Variants in TANC2 observed in about 807,000 individuals in gnomAD.
The protein encoded by TANC2 is protein TANC2.
In TANC2, 26 loss-of-function variants were observed where a neutral mutation model predicts 210.5. The ratio of observed to expected loss-of-function variants is 0.12; its 90% confidence interval spans 0.09 to 0.17. The LOEUF is 0.17. Among genes scored for constraint, TANC2 ranks in the 10% least tolerant of loss-of-function variants. The pLI is 1.00. For missense variants in TANC2, 2,129 were observed against 2,608.9 expected, an observed-to-expected ratio of 0.82 and a Z score of 4.01; for synonymous variants, 931 against 967.1, an observed-to-expected ratio of 0.96 and a Z score of 0.69.
chr17:63,353,015 AGTT>A (rs2046664267), intron 13 of TANC2, among the ~76,000 whole-genome samples: 1 of 152,180 alleles, frequency 6.6e-6, no homozygotes, highest in African/African-American at 2.4e-5. Flanking sequence ...ACTGGATAGT[AGTT>A]GTTTTAGATA....
intron 4 of TANC2, among the ~76,000 whole-genome samples, chr17:63,122,816 T>G (rs1428169881): frequency 6.6e-6 from 1 of 152,202 alleles, no homozygotes; most frequent in Admixed American, 6.5e-5. Context: ...GCTTTAATAT[T>G]TTAAAGATGA....
chr17:63,048,914 G>T (rs1173368116), intron 2 of TANC2, among the ~76,000 whole-genome samples: 1 of 152,164 alleles, frequency 6.6e-6, no homozygotes, highest in East Asian at 1.9e-4. Context: ...AAGTTTACCT[G>T]TGTAGCAAAC....
intron 24 of TANC2, chr17:63,413,276 C>G: frequency 2.9e-6 from 1 of 342,736 alleles, no homozygotes; most frequent in Non-Finnish European, 5.2e-6. Flanking sequence ...CATTGCTTGC[C>G]CACATGCAGC....
rs574925486 is a variant in TANC2 at position 63,282,178 on chromosome 17, C to T, written c.1159+14305C>T. Among the ~76,000 whole-genome samples, 5 of 151,662 alleles carry T rather than the reference C, an allele frequency of 3.3e-5. No homozygotes were observed. The East Asian group carries it at 7.7e-4, about 23-fold the overall frequency. Reference sequence around the variant, plus strand: ...AGCAATAATGAACAAAGCCAGAATTCGTTATTTGAAAAAATAAAATTTATG... The same window carrying T: ...AGCAATAATGAACAAAGCCAGAATTTGTTATTTGAAAAAATAAAATTTATG... On this transcript the variant is annotated intron_variant, in intron 9 of 27. Coordinates refer to ENST00000689528, the Ensembl canonical transcript of TANC2.
At chr17:63,381,107 T>G (rs958524869) in intron 15 of TANC2, 5 of 152,254 alleles carry the variant, frequency 3.3e-5, no homozygotes, top group Non-Finnish European at 7.3e-5. Flanking sequence ...AAAATGAAGC[T>G]AATCCCTGCC....
At chr17:63,284,927 T>C (rs139023923) in intron 9 of TANC2, among the ~76,000 whole-genome samples, 95 of 152,256 alleles carry the variant, frequency 6.2e-4, no homozygotes, top group African/African-American at 2.2e-3. Flanking sequence ...AGCGTGTATT[T>C]AGGACTGTTA....
chr17:63,171,784 A>T (rs2040413705), intron 5 of TANC2, among the ~76,000 whole-genome samples: 1 of 152,230 alleles, frequency 6.6e-6, no homozygotes, highest in South Asian at 2.1e-4. Flanking sequence ...CATATTAAAG[A>T]CTTACTCTTC....
intron 4 of TANC2, among the ~76,000 whole-genome samples, chr17:63,109,087 A>G (rs1213037506): frequency 6.6e-6 from 1 of 151,634 alleles, no homozygotes; most frequent in Non-Finnish European, 1.5e-5. Context: ...AAATGTAGCC[A>G]AAGTGGTACT....
At chr17:63,241,287 A>G (rs1484958446) in intron 8 of TANC2, among the ~76,000 whole-genome samples, 2 of 152,192 alleles carry the variant, frequency 1.3e-5, no homozygotes, top group African/African-American at 4.8e-5. Context: ...CTCTTTAATA[A>G]TGGAATGTAT....
intron 14 of TANC2, among the ~76,000 whole-genome samples, chr17:63,370,223 G>A (rs970408461): frequency 1.4e-5 from 2 of 141,816 alleles, no homozygotes; most frequent in Non-Finnish European, 3.0e-5. Context: ...CTGTCACCCA[G>A]GCTGGAATGC....
intron 1 of TANC2, among the ~76,000 whole-genome samples, chr17:62,991,820 G>T (rs1292256482): frequency 6.6e-6 from 1 of 152,058 alleles, no homozygotes; most frequent in Admixed American, 6.6e-5. Flanking sequence ...GACCAGAGGA[G>T]ACTGACTAGG....
chr17:63,054,500 T>A (rs1459194526), intron 2 of TANC2, among the ~76,000 whole-genome samples: 2 of 151,956 alleles, frequency 1.3e-5, no homozygotes, highest in Non-Finnish European at 2.9e-5. Flanking sequence ...GCCTCCCGAG[T>A]AGCTGAGATT....
chr17:63,072,290 TAAG>T (rs1042259735), intron 2 of TANC2, among the ~76,000 whole-genome samples: 10 of 152,072 alleles, frequency 6.6e-5, no homozygotes, highest in African/African-American at 2.4e-4. Context: ...GATATACAGT[TAAG>T]AAGGATTGTA....
chr17:63,095,380 A>G (rs917963394), intron 3 of TANC2, among the ~76,000 whole-genome samples: 1 of 152,110 alleles, frequency 6.6e-6, no homozygotes, highest in African/African-American at 2.4e-5. Context: ...ATTGTTGCCC[A>G]CATCGATCTC....
intron 14 of TANC2, among the ~76,000 whole-genome samples, chr17:63,375,798 A>G (rs1470387516): frequency 6.6e-6 from 1 of 152,224 alleles, no homozygotes; most frequent in East Asian, 1.9e-4. Context: ...CTATTGAAAA[A>G]ACTAAAATAG....
At chr17:63,394,707 T>A (rs531843164) in intron 17 of TANC2, among the ~76,000 whole-genome samples, 30 of 152,260 alleles carry the variant, frequency 2.0e-4, no homozygotes, top group Non-Finnish European at 3.7e-4. Context: ...TCTGTCTGAA[T>A]CTGTTCCTGA....
chr17:63,341,978 C>T (rs2046243350), intron 12 of TANC2, among the ~76,000 whole-genome samples: 1 of 151,956 alleles, frequency 6.6e-6, no homozygotes, highest in African/African-American at 2.4e-5. Flanking sequence ...CTAGATTTTC[C>T]CACCTCCATA....
chr17:63,169,250 T>C (rs1363664464), intron 5 of TANC2, among the ~76,000 whole-genome samples: 1 of 152,240 alleles, frequency 6.6e-6, no homozygotes, highest in Non-Finnish European at 1.5e-5. Context: ...CCTTTACTAT[T>C]TCCATTGCCT....
chr17:62,988,890 T>G (rs1422397479), intron 1 of TANC2, among the ~76,000 whole-genome samples: 1 of 152,212 alleles, frequency 6.6e-6, no homozygotes, highest in Non-Finnish European at 1.5e-5. Context: ...GCAAGATTAG[T>G]GTTCTACTTT....
Sources: allele counts gnomAD v4.1 joint callset (sites outside exome capture counted in the v4.1 genomes callset), GRCh38; gene constraint gnomAD v4.1.1; transcripts MANE v1.5; gene names NCBI Gene and HGNC (gene_info 2026-07-23, HGNC 2026-07-21).